APBB1: variants seen among roughly 807,000 people sequenced by gnomAD.
APBB1 encodes adaptor protein FE65a2.
In APBB1, 22 loss-of-function variants were observed where a neutral mutation model predicts 78.4. That is an observed-to-expected ratio of 0.28 (90% confidence interval 0.20 to 0.40). APBB1 has a LOEUF of 0.40. Among genes scored for constraint, APBB1 ranks in the 10% least tolerant of loss-of-function variants. APBB1 has a pLI of 1.00. For synonymous variants in APBB1, 369 were observed against 372.7 expected (o/e 0.99, Z 0.12); for missense variants, 749 against 932.4 (o/e 0.80, Z 2.56).
chr11:6,407,309 A>G (rs1011904978), intron 2 of APBB1, among the ~76,000 whole-genome samples: 5 of 152,252 alleles, frequency 3.3e-5, no homozygotes, highest in South Asian at 2.1e-4. Flanking sequence ...GTCACTGCCC[A>G]GCAAACCCGC....
intron 1 of APBB1, among the ~76,000 whole-genome samples, chr11:6,416,866 T>C (rs1849132738): frequency 6.6e-6 from 1 of 152,046 alleles, no homozygotes; most frequent in East Asian, 1.9e-4. Flanking sequence ...CTCAGCCTCC[T>C]GAGTAGCTGG....
chr11:6,416,993 C>T (rs565766435), intron 1 of APBB1, among the ~76,000 whole-genome samples: 9 of 152,358 alleles, frequency 5.9e-5, no homozygotes, highest in African/African-American at 2.2e-4. Context: ...ATCCGCCCGC[C>T]TTGGCCTCCT....
rs1045213326 is a variant in APBB1 at position 6,396,233 on chromosome 11, A to C, written c.1673-18T>G. ...ATCTACCCCTAGAACATATGGACAC[A>C]AGATACCACTGAGGGTAGACAGAGG... On this transcript the variant is annotated intron_variant, in intron 12 of 14. Coordinates refer to ENST00000609360, the MANE Select transcript of APBB1 (RefSeq NM_001164.5). The C allele has an allele frequency of 6.5e-7, 1 of 1,544,448 alleles. No homozygotes were observed.
intron 2 of APBB1, among the ~76,000 whole-genome samples, chr11:6,407,506 G>A (rs1399814456): frequency 4.6e-5 from 7 of 152,238 alleles, no homozygotes; most frequent in African/African-American, 1.7e-4. Flanking sequence ...GCCTCAGATA[G>A]ATTGTGTGTG....
Position 6,401,279 on chromosome 11 carries a change from C to T in APBB1, c.1588+66G>A, listed in dbSNP as rs1227986040. 1 of 1,613,604 alleles carries T rather than the reference C, an allele frequency of 6.2e-7. No individual in the cohort carries two copies. Among genetic ancestry groups the T allele is most frequent in the East Asian group, 2.2e-5 (1 of 44,882 alleles). ...ATCAGCGCTGTCCAGGAGCTCATGCCTTTCCTTGGGTCACCCACCTTTGCC... is the reference window on the plus strand; with the variant it reads ...ATCAGCGCTGTCCAGGAGCTCATGCTTTTCCTTGGGTCACCCACCTTTGCC... On this transcript the variant is annotated intron_variant, in intron 11 of 14. Transcript: ENST00000609360. The surrounding 1 kb of genome is among the most constrained non-coding windows in gnomAD (Gnocchi z 4.5).
intron 1 of APBB1, among the ~76,000 whole-genome samples, chr11:6,414,062 G>T (rs557410831): frequency 6.6e-6 from 1 of 152,098 alleles, no homozygotes; most frequent in Admixed American, 6.6e-5. Flanking sequence ...TTCGGATAAC[G>T]CCTGCACTCG....
chr11:6,400,795 C>T (rs897320452), intron 12 of APBB1, among the ~76,000 whole-genome samples, 194 bp downstream of exon 12: 3 of 152,156 alleles, frequency 2.0e-5, no homozygotes, highest in Admixed American at 6.5e-5. Context: ...TCAGCGAAGG[C>T]GTGCTGACTG....
chr11:6,417,065 T>C (rs1483779882), intron 1 of APBB1, among the ~76,000 whole-genome samples: 1 of 152,210 alleles, frequency 6.6e-6, no homozygotes, highest in Non-Finnish European at 1.5e-5. Context: ...ATTCTTAACA[T>C]GGCCTAAATT....
intron 2 of APBB1, among the ~76,000 whole-genome samples, chr11:6,406,031 T>A (rs755827): frequency 1.3e-5 from 2 of 152,196 alleles, no homozygotes; most frequent in Admixed American, 1.3e-4. Flanking sequence ...TGTACCTTCC[T>A]GCTTCAAAGA....
At chr11:6,404,978 C>T (rs1590781027) in intron 2 of APBB1, 2 of 1,434,286 alleles carry the variant, frequency 1.4e-6, no homozygotes, top group Non-Finnish European at 1.8e-6. Flanking sequence ...AGGGAGGGGC[C>T]AGGACCACCA....
rs116364381 is a variant in APBB1, at chr11:6,415,731, C to T, written c.-15+3254G>A. Among the ~76,000 whole-genome samples, 752 of 152,348 alleles carry T rather than the reference C, an allele frequency of 4.9e-3. 9 individuals carry two copies. Among genetic ancestry groups the T allele is most frequent in the African/African-American group, 0.017 (721 of 41,578 alleles). On this transcript the variant is annotated intron_variant, in intron 1 of 14. Transcript: ENST00000609360. ...CAAACATAAAAACCTAACCAAACTT[C>T]AGCACCTATCCCTTTCTCTCCTTCC...
In APBB1 at chr11:6,401,414, G is replaced by A. The variant is rs756543490; in HGVS notation, c.1519C>T (p.Arg507Cys). The A allele has an allele frequency of 8.1e-6, 13 of 1,613,860 alleles. No homozygotes were observed. Among genetic ancestry groups the A allele is most frequent in the Admixed American group, 1.7e-5 (1 of 59,990 alleles). ...CCATTTACCAAGCAGCGGGCATTACGCCGTTCGGCCATGATCTGAGGAAGG... is the reference window on the plus strand; with the variant it reads ...CCATTTACCAAGCAGCGGGCATTACACCGTTCGGCCATGATCTGAGGAAGG... ...EICSKIMAERRNARCLVNGLS... is the reference protein window; with the variant it reads ...EICSKIMAERCNARCLVNGLS... The change falls in exon 11 of 15, where the codon CGT becomes TGT. Residue 507 changes from arginine to cysteine, a missense_variant. Physicochemically the swap from Arg to Cys is radical, Grantham distance 180. This residue lies in a region of APBB1 where 635 missense variants were observed against 765.0 expected (regional missense o/e 0.83). Transcript: ENST00000609360. The surrounding 1 kb of genome is among the most constrained non-coding windows in gnomAD (Gnocchi z 4.5).
In APBB1 at chr11:6,395,636, A is replaced by G; in HGVS notation, c.2031T>C (p.Pro677=). Reference sequence around the variant, plus strand: ...CTACACGCCGTGCCACAGACTCAGCAGGGGGTGCTGGGAGGCAGGAGGTGG... The same window carrying G: ...CTACACGCCGTGCCACAGACTCAGCGGGGGGTGCTGGGAGGCAGGAGGTGG... ...QASTSCLPAP[P]AESVARRVGW... Residue 677 remains proline (P), a synonymous_variant, in exon 15 of 15, where the codon CCT becomes CCC. Coordinates refer to ENST00000609360, the MANE Select transcript of APBB1 (RefSeq NM_001164.5). The surrounding 1 kb of genome is among the most constrained non-coding windows in gnomAD (Gnocchi z 5.2). 1 of 1,597,242 alleles carries G rather than the reference A, an allele frequency of 6.3e-7. No individual in the cohort carries two copies. The highest frequency in any genetic ancestry group is 8.5e-7 in the Non-Finnish European group (1 of 1,170,564).
At chr11:6,398,188 T>C (rs942028821) in intron 12 of APBB1, among the ~76,000 whole-genome samples, 1 of 152,084 alleles carries the variant, frequency 6.6e-6, no homozygotes, top group African/African-American at 2.4e-5. Flanking sequence ...CAGCCCCACA[T>C]GCAATCCCCC....
Position 6,401,612 on chromosome 11 carries a change from T to A in APBB1, c.1465A>T (p.Lys489Ter), listed in dbSNP as rs1420224536. 6.2e-7 allele frequency: 1 copy of A among 1,614,154 alleles called. No homozygotes were observed. Among genetic ancestry groups the A allele is most frequent in the Non-Finnish European group, 8.5e-7 (1 of 1,180,024 alleles). ...CHVFRCEAPA[K>*]NIATSLHEIC... is the part of the protein sequence containing the mutation. ...TCATGCAGGCTGGTGGCGATGTTCT[T>A]GGCAGGTGCCTCACAGCGAAACACG... is the stretch of plus-strand genomic sequence containing the variant. The change falls in exon 10 of 15, where the codon AAG (lysine) becomes TAG (stop). Residue 489 changes from lysine (K) to a stop codon, truncating the protein, a stop_gained. Transcript: ENST00000609360. LOFTEE classifies it high-confidence loss of function. This position sits in a 1 kb window ranked among gnomAD's most constrained non-coding sequence, Gnocchi z 4.5.
chr11:6,415,401 G>C (rs1012639873), intron 1 of APBB1, among the ~76,000 whole-genome samples: 6 of 152,190 alleles, frequency 3.9e-5, no homozygotes. Context: ...CAAAAGAAAT[G>C]GTTCTTCCTC....
chr11:6,404,957 T>A, intron 2 of APBB1: 2 of 1,438,758 alleles, frequency 1.4e-6, no homozygotes, highest in Non-Finnish European at 1.8e-6. Context: ...CTCCCCCGCT[T>A]GGAGCTTGCT....
In APBB1 at chr11:6,395,667, T is replaced by C; in HGVS notation, c.2000A>G (p.Gln667Arg). The change falls in exon 15 of 15, where the codon CAG (glutamine) becomes CGG (arginine). Residue 667 changes from glutamine to arginine, a missense_variant. Gln to Arg is a conservative substitution (Grantham distance 43, BLOSUM62 1). Transcript: ENST00000609360. This position sits in a 1 kb window ranked among gnomAD's most constrained non-coding sequence, Gnocchi z 5.2. ...TGCTGGGAGGCAGGAGGTGGAGGCC[T>C]GGGAACGGGCATCCAGACACTTCTG... Reference protein sequence around the residue: ...RYQKCLDARSQASTSCLPAPP... With the variant: ...RYQKCLDARSRASTSCLPAPP... 1 of 1,590,956 alleles carries C rather than the reference T, an allele frequency of 6.3e-7. No individual in the cohort carries two copies.
chr11:6,400,734 G>A (rs1212799996), intron 12 of APBB1, among the ~76,000 whole-genome samples: 1 of 152,160 alleles, frequency 6.6e-6, no homozygotes, highest in African/African-American at 2.4e-5. Context: ...TGGGATGAAG[G>A]AGTGGGGTCT....
Sources: gnomAD v4.1 joint callset for allele counts (sites outside exome capture counted in the v4.1 genomes callset) on GRCh38, gnomAD v4.1.1 for gene constraint, gnomAD v4.1.1 regional missense constraint, Gnocchi (gnomAD v3.1) non-coding constraint, MANE v1.5 for transcripts, NCBI Gene and HGNC (gene_info 2026-07-23, HGNC 2026-07-21) for gene names.